DPP6: variants seen among roughly 807,000 people sequenced by gnomAD.
The protein encoded by DPP6 is dipeptidyl peptidase like 6.
DPP6 carries 69 observed loss-of-function variants against 122.6 expected under a neutral mutation model. The ratio of observed to expected loss-of-function variants is 0.56; its 90% CI spans 0.46 to 0.69. The LOEUF is 0.69. DPP6 is among the 30% of genes least tolerant of loss of function. DPP6 has a pLI of 0.00. For missense variants in DPP6, 928 were observed against 1,116.9 expected (o/e 0.83, Z 2.41); for synonymous variants, 418 against 433.1 (o/e 0.97, Z 0.43).
At chr7:154,641,310 T>A (rs533387036) in intron 6 of DPP6, among the ~76,000 whole-genome samples, 1 of 152,356 alleles carries the variant, frequency 6.6e-6, no homozygotes, top group South Asian at 2.1e-4. Flanking sequence ...ATTCTTAAAT[T>A]GTATCCTAAA....
chr7:154,041,884 G>A (rs1466602999), intron 1 of DPP6, among the ~76,000 whole-genome samples: 4 of 152,008 alleles, frequency 2.6e-5, no homozygotes, highest in African/African-American at 7.3e-5. Flanking sequence ...TCAGCCTCGC[G>A]AGTAGCTAGG....
intron 2 of DPP6, among the ~76,000 whole-genome samples, chr7:154,473,797 A>C (rs1461739474): frequency 1.3e-5 from 2 of 152,190 alleles, no homozygotes; most frequent in Non-Finnish European, 2.9e-5. Context: ...AAACAGACAT[A>C]CCACCAGACA....
intron 10 of DPP6, among the ~76,000 whole-genome samples, chr7:154,780,368 T>G (rs1796945244): frequency 6.6e-6 from 1 of 152,240 alleles, no homozygotes; most frequent in African/African-American, 2.4e-5. Flanking sequence ...TTTTACATTG[T>G]CATGGCCTGT....
At chr7:153,954,615 C>T (rs185979277) in intron 1 of DPP6, among the ~76,000 whole-genome samples, 125 of 152,280 alleles carry the variant, frequency 8.2e-4, no homozygotes, top group Middle Eastern at 6.8e-3. Flanking sequence ...ATTAAATTTA[C>T]ATCAGTGAAC....
chr7:154,162,539 C>T (rs1797034411), intron 1 of DPP6, among the ~76,000 whole-genome samples: 1 of 152,216 alleles, frequency 6.6e-6, no homozygotes, highest in African/African-American at 2.4e-5. Flanking sequence ...GCCTGGCACA[C>T]TCTGGAGCTT....
At chr7:154,889,429 TCTC>T (rs1806424046) in intron 24 of DPP6, 25 bp from the exon 25 acceptor site, 1 of 1,563,410 alleles carries the variant, frequency 6.4e-7, no homozygotes, top group African/African-American at 1.4e-5. Flanking sequence ...AATGTCTTCC[TCTC>T]TTTTTTTTTT....
chr7:153,826,673 A>G, the DPP6 span, among the ~76,000 whole-genome samples: 1 of 152,202 alleles, frequency 6.6e-6, no homozygotes, highest in Non-Finnish European at 1.5e-5. Context: ...CTGATTAAAA[A>G]TTCACCTAAA....
intron 8 of DPP6, among the ~76,000 whole-genome samples, chr7:154,744,998 T>C (rs1351824924): frequency 6.6e-6 from 1 of 152,244 alleles, no homozygotes; most frequent in Admixed American, 6.5e-5. Context: ...AAGATGACAA[T>C]CTGCAATACT....
chr7:154,340,026 T>A (rs896855113), intron 1 of DPP6, among the ~76,000 whole-genome samples: 2 of 151,992 alleles, frequency 1.3e-5, no homozygotes, highest in Non-Finnish European at 2.9e-5. Flanking sequence ...TGAGCCAAGA[T>A]TGCGCCACTG....
intron 1 of DPP6, among the ~76,000 whole-genome samples, chr7:154,064,005 G>T (rs2150494688): frequency 6.6e-6 from 1 of 152,152 alleles, no homozygotes. Flanking sequence ...GAGATAATTG[G>T]TTTGAGAAGA....
intron 3 of DPP6, among the ~76,000 whole-genome samples, chr7:154,525,421 G>A (rs1184792256): frequency 6.6e-6 from 1 of 152,210 alleles, no homozygotes; most frequent in East Asian, 1.9e-4. Flanking sequence ...GCCTCCCAAA[G>A]TGCTGGGATG....
intron 4 of DPP6, among the ~76,000 whole-genome samples, chr7:154,564,944 T>C (rs1190282702): frequency 1.3e-5 from 2 of 152,230 alleles, no homozygotes; most frequent in Admixed American, 6.5e-5. Flanking sequence ...TTTTTTTGCA[T>C]GTTTGTAACT....
chr7:153,878,821 GAGAGT>G, the DPP6 span, among the ~76,000 whole-genome samples: 1 of 152,100 alleles, frequency 6.6e-6, no homozygotes, highest in East Asian at 1.9e-4. Context: ...GAAGGAAGAG[GAGAGT>G]ATTTAAGGTA....
chr7:153,927,433 G>T (rs1016221068), intron 1 of DPP6, among the ~76,000 whole-genome samples: 2 of 152,166 alleles, frequency 1.3e-5, no homozygotes, highest in Admixed American at 1.3e-4. Context: ...TTAATATTTT[G>T]GTGGACACCC....
rs200155465 is a variant in DPP6 at position 154,821,649 on chromosome 7, C to T, written c.1666+14537C>T. 0.032 allele frequency among the ~76,000 whole-genome samples: 3,019 copies of T among 94,394 alleles called. 62 individuals are homozygous for T. The highest frequency in any genetic ancestry group is 0.058 in the African/African-American group (1,603 of 27,408). The allele number at this position is 94,394 out of a possible 152,430, so 61.9% of individuals were successfully genotyped here. A position where few individuals can be genotyped will look rare whatever the true frequency, so the allele number is the denominator to read the frequency against. ...TTCTGTATATATATATATATATACA[C>T]ATATATATATATATACACATATATA... On this transcript the variant is annotated intron_variant, in intron 16 of 25. Transcript: ENST00000377770. The surrounding 1 kb of genome is among the most constrained non-coding windows in gnomAD (Gnocchi z 4.2).
chr7:154,155,545 T>C (rs1043939523), intron 1 of DPP6, among the ~76,000 whole-genome samples: 1 of 152,170 alleles, frequency 6.6e-6, no homozygotes, highest in Non-Finnish European at 1.5e-5. Flanking sequence ...TGTCCAGAGA[T>C]AGAAGCCATA....
At chr7:154,475,246 C>T (rs1465670938) in intron 3 of DPP6, 11 of 539,788 alleles carry the variant, frequency 2.0e-5, no homozygotes, top group East Asian at 3.6e-5. Context: ...TGTTGCCTCC[C>T]GAGCATCCAC....
At chr7:154,245,357 A>G (rs10265292) in intron 1 of DPP6, among the ~76,000 whole-genome samples, 114,672 of 151,692 alleles carry the variant, frequency 0.76, 44,518 homozygotes, top group African/African-American at 0.94. Context: ...ATGGCTGGCC[A>G]GGCATGGTGG....
intron 12 of DPP6, 124 bp downstream of exon 12, chr7:154,796,007 G>C: frequency 7.1e-7 from 1 of 1,413,936 alleles, no homozygotes; most frequent in Non-Finnish European, 9.3e-7. Flanking sequence ...TCCCCAGGCA[G>C]AAACAGACGG....
Sources: gnomAD v4.1 joint callset for allele counts (sites outside exome capture counted in the v4.1 genomes callset) on GRCh38, gnomAD v4.1.1 for gene constraint, Gnocchi (gnomAD v3.1) non-coding constraint, MANE v1.5 for transcripts, NCBI Gene and HGNC (gene_info 2026-07-23, HGNC 2026-07-21) for gene names.